Variants in CDH17 observed in about 807,000 individuals in gnomAD.
CDH17 encodes the protein cadherin 17, also known as cadherin-17.
Under a neutral mutation model 86.3 loss-of-function variants are expected in CDH17, and 67 were observed. The ratio of observed to expected loss-of-function variants is 0.78; its 90% CI spans 0.64 to 0.95. CDH17 has a LOEUF of 0.95. Ranked by LOEUF, CDH17 falls within the 40% of genes least tolerant of loss-of-function variation. CDH17 has a pLI of 0.00. For missense variants in CDH17, 993 were observed against 1,017.6 expected (o/e 0.98, Z 0.33); for synonymous variants, 367 against 366.4 (o/e 1.00, Z -0.02).
At chr8:94,178,541 T>A (rs1006825267) in intron 3 of CDH17, among the ~76,000 whole-genome samples, 8 of 152,038 alleles carry the variant, frequency 5.3e-5, no homozygotes, top group Non-Finnish European at 1.2e-4. Context: ...TTATTTATAA[T>A]ACCAGTAAGA....
At chr8:94,192,152 G>A (rs929041458) in intron 2 of CDH17, among the ~76,000 whole-genome samples, 2 of 152,178 alleles carry the variant, frequency 1.3e-5, no homozygotes, top group African/African-American at 2.4e-5. Context: ...TCAAAGTTGC[G>A]TGCTTGTATT....
Position 94,159,953 on chromosome 8 carries a change from A to C in CDH17, c.1551+18T>G, listed in dbSNP as rs765648632. On this transcript the variant is annotated intron_variant, in intron 12 of 17. Transcript: ENST00000027335. ...CCACAAACAAAGACAAATTCTATTAAATAAATGGGCTATTTACCTTTTTAA... is the reference window on the plus strand; with the variant it reads ...CCACAAACAAAGACAAATTCTATTACATAAATGGGCTATTTACCTTTTTAA... 13 of 1,578,646 alleles carry C rather than the reference A, an allele frequency of 8.2e-6. No homozygotes were observed. The highest frequency in any genetic ancestry group is 1.1e-5 in the Non-Finnish European group (13 of 1,160,166).
chr8:94,142,180 A>G (rs1055867120), intron 15 of CDH17, among the ~76,000 whole-genome samples: 5 of 152,186 alleles, frequency 3.3e-5, no homozygotes, highest in African/African-American at 1.2e-4. Flanking sequence ...CACACCCCCT[A>G]TGCAAGCATA....
In CDH17 at chr8:94,152,046, CT is replaced by C; in HGVS notation, c.1617del (p.Val540CysfsTer4). 1 of 1,614,184 alleles carries C rather than the reference CT, an allele frequency of 6.2e-7. No individual in the cohort carries two copies. The highest frequency in any genetic ancestry group is 8.5e-7 in the Non-Finnish European group (1 of 1,180,010). ...CTTGCATTGTACTTCACACCAAACA[CT>C]AGAGGCTCAGGATTTTCTGCTTTGA... is the stretch of plus-strand genomic sequence containing the variant. ...IVFKAENPEP[L>X]VFGVKYNASS... is the part of the protein sequence containing the mutation. On this transcript the variant is annotated frameshift_variant, in exon 13 of 18. Transcript: ENST00000027335. LOFTEE classifies it high-confidence loss of function.
intron 3 of CDH17, among the ~76,000 whole-genome samples, chr8:94,180,177 A>G (rs866105178): frequency 1.3e-5 from 2 of 152,246 alleles, no homozygotes; most frequent in Middle Eastern, 6.8e-3. Flanking sequence ...GGGTGTTCAA[A>G]AGCAGATTTG....
chr8:94,183,534 C>G (rs1600766), intron 3 of CDH17, among the ~76,000 whole-genome samples: 13,442 of 151,670 alleles, frequency 0.089, 982 homozygotes, highest in African/African-American at 0.2. Context: ...GAAGTTGGAC[C>G]CTTACCCCAT....
Position 94,146,037 on chromosome 8 carries a change from G to C in CDH17, c.2058C>G (p.Leu686=), listed in dbSNP as rs775640554. The change falls in exon 15 of 18, where the codon CTC becomes CTG. Residue 686 remains leucine, a synonymous_variant. Transcript: ENST00000027335. ...FCHPLSAPGS[L]IFEATDDDQH... is the part of the protein sequence containing the mutation. ...GATCATCATCAGTAGCCTCGAAAATGAGACTTCCAGGTGCACTGAGGGGAT... is the reference window on the plus strand; with the variant it reads ...GATCATCATCAGTAGCCTCGAAAATCAGACTTCCAGGTGCACTGAGGGGAT... 19 of 1,613,896 alleles carry C rather than the reference G, an allele frequency of 1.2e-5. No individual in the cohort carries two copies. The highest frequency in any genetic ancestry group is 1.5e-5 in the Non-Finnish European group (18 of 1,179,910).
At chr8:94,195,842 G>T (rs971013444) in intron 1 of CDH17, among the ~76,000 whole-genome samples, 4 of 151,396 alleles carry the variant, frequency 2.6e-5, no homozygotes, top group African/African-American at 4.9e-5. Context: ...CTTATTGCAA[G>T]CTCCGCCTCC....
At chr8:94,148,902 A>G in intron 13 of CDH17, 28 bp from the exon 14 acceptor site, 1 of 1,586,990 alleles carries the variant, frequency 6.3e-7, no homozygotes, top group East Asian at 2.3e-5. Context: ...AGCAAAAGAA[A>G]GCCTGCATTA....
intron 2 of CDH17, among the ~76,000 whole-genome samples, chr8:94,194,205 A>G (rs1308057069): frequency 1.3e-5 from 2 of 152,268 alleles, no homozygotes; most frequent in South Asian, 2.1e-4. Context: ...GAAGAAAAGT[A>G]TAGAGCAGAG....
At chr8:94,131,837 C>T (rs1237988649) in intron 15 of CDH17, among the ~76,000 whole-genome samples, 1 of 152,140 alleles carries the variant, frequency 6.6e-6, no homozygotes, top group Non-Finnish European at 1.5e-5. Flanking sequence ...AGACCCCCAC[C>T]CCCTGACAGG....
intron 4 of CDH17, 134 bp downstream of exon 4, chr8:94,177,453 T>C: frequency 1.1e-6 from 1 of 890,864 alleles, no homozygotes; most frequent in East Asian, 2.4e-5. Context: ...ATGTGAGGAT[T>C]GCAAAGCGTC....
rs1586237985 is a variant in CDH17 at position 94,144,868 on chromosome 8, C to A, written c.2167+1060G>T. Among the ~76,000 whole-genome samples the A allele has an allele frequency of 2.0e-5, 3 of 152,286 alleles. 1 individual carries two copies. The East Asian group carries it at 5.8e-4, about 29-fold the overall frequency. ...AAAATGAATATCTAACAAGACACTT[C>A]ACCAGTGAAGATGGATGGCAAATTG... On this transcript the variant is annotated intron_variant, in intron 15 of 17. Transcript: ENST00000027335.
chr8:94,162,252 G>A lies in CDH17; in HGVS notation c.1283-90C>T, dbSNP rs772465149. On this transcript the variant is annotated intron_variant, in intron 10 of 17. Coordinates refer to ENST00000027335, the MANE Select transcript of CDH17 (RefSeq NM_004063.4). Reference sequence around the variant, plus strand: ...TGCAAGAAAATACTTGGCAAGTGAAGTGACAGCCATAGCCACAATTTTGCA... The same window carrying A: ...TGCAAGAAAATACTTGGCAAGTGAAATGACAGCCATAGCCACAATTTTGCA... The A allele has an allele frequency of 1.1e-4, 98 of 863,920 alleles. 1 individual carries two copies. Among genetic ancestry groups the A allele is most frequent in the African/African-American group, 1.7e-5 (1 of 59,328 alleles). The allele number at this position is 863,920 out of a possible 1,614,324, so 53.5% of individuals were successfully genotyped here. A position where few individuals can be genotyped will look rare whatever the true frequency, so the allele number is the denominator to read the frequency against.
chr8:94,204,425 C>G (rs1300585833), intron 1 of CDH17, among the ~76,000 whole-genome samples: 5 of 152,162 alleles, frequency 3.3e-5, no homozygotes, highest in African/African-American at 1.2e-4. Flanking sequence ...TGTTAGTTTG[C>G]TGAGAATGAT....
At chr8:94,197,092 A>T (rs1813799046) in intron 1 of CDH17, 1 of 152,292 alleles carries the variant, frequency 6.6e-6, no homozygotes, top group East Asian at 1.9e-4. Flanking sequence ...TGCAGGAGAT[A>T]GAGCTAATCC....
At chr8:94,137,161 G>A (rs189142452) in intron 15 of CDH17, among the ~76,000 whole-genome samples, 11 of 152,284 alleles carry the variant, frequency 7.2e-5, no homozygotes, top group South Asian at 2.1e-4. Context: ...TGGGAGAACC[G>A]CTGCTCTCTC....
chr8:94,130,164 A>AG (rs1408829248), intron 17 of CDH17, among the ~76,000 whole-genome samples: 3 of 152,334 alleles, frequency 2.0e-5, no homozygotes, highest in African/African-American at 7.2e-5. Context: ...TTCTATGCAT[A>AG]GGGAAGTTCT....
chr8:94,146,057 G>A lies in CDH17; in HGVS notation c.2038C>T (p.Leu680Phe), dbSNP rs1337816787. Residue 680 changes from leucine (L) to phenylalanine (F), a missense_variant, in exon 15 of 18, where the codon CTC becomes TTC. Coordinates refer to ENST00000027335, the MANE Select transcript of CDH17 (RefSeq NM_004063.4). The part of the protein sequence containing the change: ...DYTGLFFCHP[L>F]SAPGSLIFEA... ...AAAATGAGACTTCCAGGTGCACTGA[G>A]GGGATGGCAGAAGAACAAGCCCGTG... 1.2e-6 allele frequency: 2 copies of A among 1,613,860 alleles called. No individual in the cohort carries two copies. Among genetic ancestry groups the A allele is most frequent in the South Asian group, 2.2e-5 (2 of 91,042 alleles).
Sources: allele counts gnomAD v4.1 joint callset (sites outside exome capture counted in the v4.1 genomes callset), GRCh38; gene constraint gnomAD v4.1.1; transcripts MANE v1.5; gene names NCBI Gene and HGNC (gene_info 2026-07-23, HGNC 2026-07-21).